The following MYRIP variants were observed in gnomAD, a reference collection of about 807,000 sequenced individuals.
The protein encoded by MYRIP is myosin VIIA and Rab interacting protein.
In MYRIP, 49 loss-of-function variants were observed where a neutral mutation model predicts 98.0. The observed-to-expected ratio is 0.50, with a 90% confidence interval of 0.40 to 0.63. The LOEUF (loss-of-function observed/expected upper bound fraction) is 0.63. MYRIP is among the 30% of genes least tolerant of loss of function. MYRIP has a pLI of 0.00. For synonymous variants in MYRIP, 404 were observed against 409.5 expected (o/e 0.99, Z 0.16); for missense variants, 1,004 against 1,058.2 (o/e 0.95, Z 0.71).
intron 2 of MYRIP, among the ~76,000 whole-genome samples, chr3:39,980,311 T>C (rs1030604012): frequency 1.3e-5 from 2 of 152,040 alleles, no homozygotes; most frequent in African/African-American, 2.4e-5. Flanking sequence ...TCATAGTTGT[T>C]CCCCCATGCA....
chr3:40,095,129 AG>A (rs1318252955), intron 3 of MYRIP, among the ~76,000 whole-genome samples: 1 of 152,128 alleles, frequency 6.6e-6, no homozygotes, highest in African/African-American at 2.4e-5. Flanking sequence ...GAGGGGAGGC[AG>A]GGGGACACTT....
At chr3:40,106,201 A>G (rs569759901) in intron 3 of MYRIP, among the ~76,000 whole-genome samples, 1 of 152,136 alleles carries the variant, frequency 6.6e-6, no homozygotes, top group Non-Finnish European at 1.5e-5. Flanking sequence ...TCTTGGCACA[A>G]TCACATCCCC....
chr3:40,241,120 T>C (rs931322040), intron 12 of MYRIP, among the ~76,000 whole-genome samples: 3 of 152,150 alleles, frequency 2.0e-5, no homozygotes, highest in Admixed American at 6.5e-5. Flanking sequence ...GTGTGAATAG[T>C]AGGACTGCCA....
chr3:40,162,003 A>G (rs1464172135), intron 4 of MYRIP, among the ~76,000 whole-genome samples: 3 of 152,044 alleles, frequency 2.0e-5, no homozygotes, highest in Non-Finnish European at 4.4e-5. Flanking sequence ...GCTGCCTCTC[A>G]TTTAGGCCTT....
At chr3:40,130,342 C>T (rs1949610402) in intron 3 of MYRIP, among the ~76,000 whole-genome samples, 1 of 151,592 alleles carries the variant, frequency 6.6e-6, no homozygotes, top group African/African-American at 2.4e-5. Context: ...ACATGTGGAC[C>T]AAGGAGGTCA....
At chr3:40,026,155 C>T (rs1462740958) in intron 2 of MYRIP, among the ~76,000 whole-genome samples, 6 of 152,048 alleles carry the variant, frequency 3.9e-5, no homozygotes, top group Non-Finnish European at 7.4e-5. Context: ...CCCAGGAATG[C>T]AATTCTTTTC....
intron 2 of MYRIP, among the ~76,000 whole-genome samples, chr3:39,907,717 A>G (rs1292622532): frequency 2.6e-5 from 4 of 152,182 alleles, no homozygotes; most frequent in Non-Finnish European, 4.4e-5. Context: ...AAGAGAGCCA[A>G]ATATTTATTA....
intron 3 of MYRIP, among the ~76,000 whole-genome samples, chr3:40,120,720 G>C (rs1306588926): frequency 1.3e-5 from 2 of 152,028 alleles, no homozygotes; most frequent in Non-Finnish European, 2.9e-5. Context: ...TGTCCTTCTG[G>C]GCCAGCTTAG....
chr3:39,971,117 G>A (rs758668744), intron 2 of MYRIP, among the ~76,000 whole-genome samples: 1 of 152,090 alleles, frequency 6.6e-6, no homozygotes, highest in Non-Finnish European at 1.5e-5. Context: ...TCCAGCGGCA[G>A]CAACTTGTGG....
chr3:39,891,849 G>A (rs975594707), intron 1 of MYRIP, among the ~76,000 whole-genome samples: 3 of 151,630 alleles, frequency 2.0e-5, no homozygotes, highest in South Asian at 4.2e-4. Context: ...ATTTTGTAGA[G>A]ATTCTTTTAA....
At chr3:39,823,336 T>A (rs1315284715) in intron 1 of MYRIP, among the ~76,000 whole-genome samples, 1 of 152,138 alleles carries the variant, frequency 6.6e-6, no homozygotes, top group Non-Finnish European at 1.5e-5. Context: ...AATACACTGA[T>A]TTCTTCTCTT....
Position 40,250,346 on chromosome 3 carries a change from C to A in MYRIP, c.2367+20C>A, listed in dbSNP as rs532742215. ...ACCCAGGTGTGTTTGTCCCTTTCTC[C>A]CTCTGTTGGAATGTTACATGGCTTG... On this transcript the variant is annotated intron_variant, in intron 14 of 16. Transcript: ENST00000302541. 62 of 1,612,994 alleles carry A rather than the reference C, an allele frequency of 3.8e-5. No homozygotes were observed. In the East Asian group the frequency reaches 1.4e-3, roughly 35 times the overall value.
intron 2 of MYRIP, among the ~76,000 whole-genome samples, chr3:39,948,081 A>G (rs1299249192): frequency 6.6e-6 from 1 of 152,162 alleles, no homozygotes; most frequent in Non-Finnish European, 1.5e-5. Context: ...TCTCAATGTA[A>G]TGGATGACTT....
At chr3:39,886,661 C>CA (rs1943312023) in intron 1 of MYRIP, among the ~76,000 whole-genome samples, 1 of 151,824 alleles carries the variant, frequency 6.6e-6, no homozygotes, top group Non-Finnish European at 1.5e-5. Context: ...TATATGCACC[C>CA]AATACAGGAG....
At chr3:40,028,995 T>C (rs1406978392) in intron 2 of MYRIP, among the ~76,000 whole-genome samples, 1 of 152,174 alleles carries the variant, frequency 6.6e-6, no homozygotes, top group Non-Finnish European at 1.5e-5. Flanking sequence ...TTTGCAGTCC[T>C]GTGTATCAGC....
intron 3 of MYRIP, among the ~76,000 whole-genome samples, chr3:40,104,488 A>G (rs1282997781): frequency 6.6e-6 from 1 of 152,212 alleles, no homozygotes; most frequent in Non-Finnish European, 1.5e-5. Flanking sequence ...CGTAACAGGC[A>G]CACTTCTAAA....
chr3:40,068,606 A>G (rs946659673), intron 3 of MYRIP, among the ~76,000 whole-genome samples: 1 of 152,226 alleles, frequency 6.6e-6, no homozygotes, highest in Non-Finnish European at 1.5e-5. Context: ...TATGAAATGG[A>G]ATCAAACACA....
intron 3 of MYRIP, among the ~76,000 whole-genome samples, chr3:40,056,364 T>C (rs6763525): frequency 0.54 from 82,532 of 152,010 alleles, 22,541 homozygotes; most frequent in East Asian, 0.78. Flanking sequence ...TACTTGCTGA[T>C]TTTAGACCTT....
At chr3:40,239,920 C>T (rs1952950965) in intron 12 of MYRIP, among the ~76,000 whole-genome samples, 2 of 110,646 alleles carry the variant, frequency 1.8e-5, no homozygotes, top group African/African-American at 3.6e-5. Context: ...AATTAGATCC[C>T]ATTTGTCAAT....
Sources: allele counts gnomAD v4.1 joint callset (sites outside exome capture counted in the v4.1 genomes callset), GRCh38; gene constraint gnomAD v4.1.1; transcripts MANE v1.5; gene names NCBI Gene and HGNC (gene_info 2026-07-23, HGNC 2026-07-21).